Variants in FGF13 observed in about 807,000 individuals in gnomAD.
The protein encoded by FGF13 is fibroblast growth factor homologous factor 2.
In FGF13, 2 loss-of-function variants were observed where a neutral mutation model predicts 19.5. That is an observed-to-expected ratio of 0.10 (90% confidence interval 0.04 to 0.32). The LOEUF is 0.32. FGF13 is among the 10% of genes least tolerant of loss of function. The pLI, the probability that FGF13 is intolerant of heterozygous loss-of-function variation, is 1.00. For missense variants in FGF13, 113 were observed against 192.7 expected (o/e 0.59, Z 2.45); for synonymous variants, 72 against 76.9 (o/e 0.94, Z 0.33).
At chrX:138,955,427 G>A (rs1040221611) in intron 1 of FGF13, among the ~76,000 whole-genome samples, 3 of 112,072 alleles carry the variant, frequency 2.7e-5, no homozygotes, top group Non-Finnish European at 3.8e-5. Context: ...AATAGCAAAC[G>A]TTTGGTAGTC....
chrX:138,870,836 G>A (rs2091353962), intron 1 of FGF13, among the ~76,000 whole-genome samples: 1 of 112,347 alleles, frequency 8.9e-6, no homozygotes, highest in South Asian at 3.7e-4. Context: ...AGAAGCCAGG[G>A]ATGGCCCTCA....
intron 1 of FGF13, among the ~76,000 whole-genome samples, chrX:138,718,045 G>A (rs1014482684): frequency 2.7e-5 from 3 of 112,330 alleles, no homozygotes; most frequent in Non-Finnish European, 5.6e-5. Flanking sequence ...CACAATAAAT[G>A]TATTATTAAT....
chrX:138,984,523 G>GAAGAAGAAGAA (rs2091979498), intron 1 of FGF13, among the ~76,000 whole-genome samples: 2 of 31,589 alleles, frequency 6.3e-5, no homozygotes, highest in African/African-American at 2.5e-4. Context: ...AAGAAGAAGA[G>GAAGAAGAAGAA]GAAGAAGAAG....
Position 138,623,672 on chromosome X carries a change from G to C in FGF13, c.*9178C>G, listed in dbSNP as rs966521582. Reference sequence around the variant, plus strand: ...GGCGCCTATAATCCCAGCTACTCGGGAGGCTGAGGCAAGAGAATCCCTTTA... The same window carrying C: ...GGCGCCTATAATCCCAGCTACTCGGCAGGCTGAGGCAAGAGAATCCCTTTA... On this transcript the variant is annotated 3_prime_UTR_variant, in exon 5 of 5. Transcript: ENST00000315930. The C allele has an allele frequency of 9.0e-6, 1 of 110,644 alleles. No individual in the cohort carries two copies. Among genetic ancestry groups the C allele is most frequent in the South Asian group, 3.9e-4 (1 of 2,585 alleles). 9.1% of individuals were successfully genotyped at this position (110,644 alleles called of 1,213,427 possible).
intron 3 of FGF13, among the ~76,000 whole-genome samples, chrX:138,772,045 T>C (rs1366055623): frequency 2.3e-5 from 2 of 87,877 alleles, no homozygotes; most frequent in African/African-American, 8.6e-5. Flanking sequence ...TATATATATA[T>C]ATATATATAT....
chrX:139,152,536 T>C (rs2083943309), intron 1 of FGF13, among the ~76,000 whole-genome samples: 1 of 110,371 alleles, frequency 9.1e-6, no homozygotes, highest in African/African-American at 3.3e-5. Flanking sequence ...GAAAGGTGGA[T>C]CTACCCAGAA....
At chrX:138,938,219 A>C (rs1397277954) in intron 1 of FGF13, among the ~76,000 whole-genome samples, 1 of 111,728 alleles carries the variant, frequency 9.0e-6, no homozygotes, top group African/African-American at 3.3e-5. Flanking sequence ...TAGGAGACCA[A>C]ACGGATGTGA....
intron 1 of FGF13, among the ~76,000 whole-genome samples, chrX:138,873,920 G>T (rs904624505): frequency 1.0e-5 from 1 of 99,848 alleles, no homozygotes; most frequent in Non-Finnish European, 2.0e-5. Context: ...ACCAAACACC[G>T]CATGTTCTCA....
intron 1 of FGF13, among the ~76,000 whole-genome samples, chrX:139,042,564 A>G (rs2092273530): frequency 1.3e-5 from 1 of 76,366 alleles, no homozygotes; most frequent in South Asian, 4.7e-4. Context: ...ATTAACATGC[A>G]TTTATGTAAA....
intron 1 of FGF13, among the ~76,000 whole-genome samples, chrX:139,068,426 T>G (rs1379686965): frequency 1.0e-5 from 1 of 99,094 alleles, no homozygotes; most frequent in African/African-American, 4.2e-5. Flanking sequence ...GTGTGATGCC[T>G]CCAGCTTTGT....
At chrX:138,921,129 A>T (rs1455649567) in intron 1 of FGF13, among the ~76,000 whole-genome samples, 1 of 111,872 alleles carries the variant, frequency 8.9e-6, no homozygotes, top group Non-Finnish European at 1.9e-5. Flanking sequence ...CCAGGTACAT[A>T]GTTAGCACTC....
intron 1 of FGF13, among the ~76,000 whole-genome samples, chrX:138,897,732 C>G (rs1399968989): frequency 2.7e-5 from 3 of 111,667 alleles, no homozygotes; most frequent in Non-Finnish European, 5.6e-5. Context: ...CACCACCAAA[C>G]TACTATGAGG....
intron 1 of FGF13, among the ~76,000 whole-genome samples, chrX:139,039,411 C>T (rs1057315051): frequency 3.6e-5 from 4 of 111,732 alleles, no homozygotes; most frequent in African/African-American, 9.7e-5. Context: ...TAAGGTGAGG[C>T]TTTCCTAAAA....
At chrX:139,150,089 A>C (rs1219571266) in intron 1 of FGF13, among the ~76,000 whole-genome samples, 1 of 111,668 alleles carries the variant, frequency 9.0e-6, no homozygotes. Flanking sequence ...ATATCCTAGA[A>C]CTACCAAATG....
intron 1 of FGF13, among the ~76,000 whole-genome samples, chrX:138,867,509 C>T (rs932935389): frequency 2.7e-5 from 3 of 110,772 alleles, no homozygotes; most frequent in African/African-American, 9.8e-5. Context: ...TTGGGGAGGC[C>T]TCACATCACG....
In FGF13 at chrX:138,988,820, T is replaced by C. The variant is rs771486139; in HGVS notation, c.-112-124170A>G. Among the ~76,000 whole-genome samples the C allele has an allele frequency of 1.0e-3, 115 of 112,202 alleles. 1 individual carries two copies. The highest frequency in any genetic ancestry group is 3.6e-3 in the African/African-American group (111 of 30,938). ...GAGTGGAAGAGACAAATGCACACCA[T>C]TGCACCATTCTGAGCATGCTTGCTG... On this transcript the variant is annotated intron_variant, in intron 1 of 2. Coordinates refer to the FGF13 transcript ENST00000421460.
intron 1 of FGF13, among the ~76,000 whole-genome samples, chrX:139,049,359 T>C (rs977588237): frequency 9.0e-5 from 10 of 111,547 alleles, no homozygotes; most frequent in Non-Finnish European, 1.5e-4. Flanking sequence ...ATCATACTGA[T>C]TACCAACTGT....
rs957041735 is a variant in FGF13, at chrX:138,890,799, A to C, written c.-112-26149T>G. ...ACCAATCAATTGGGCTTTGGGATCA[A>C]CTCACAAATACTGAGCATAAAACAA... On this transcript the variant is annotated intron_variant, in intron 1 of 2. Transcript: ENST00000421460. Among the ~76,000 whole-genome samples the C allele has an allele frequency of 1.8e-5, 2 of 111,716 alleles. 1 individual carries two copies. The highest frequency in any genetic ancestry group is 6.5e-5 in the African/African-American group (2 of 30,658).
chrX:139,065,170 G>C (rs1364044363), intron 1 of FGF13, among the ~76,000 whole-genome samples: 1 of 111,111 alleles, frequency 9.0e-6, no homozygotes, highest in Non-Finnish European at 1.9e-5. Context: ...AACATGGAAA[G>C]GAACAATCAG....
Sources: allele counts gnomAD v4.1 joint callset (sites outside exome capture counted in the v4.1 genomes callset), GRCh38; gene constraint gnomAD v4.1.1; transcripts MANE v1.5; gene names NCBI Gene and HGNC (gene_info 2026-07-23, HGNC 2026-07-21).